The following MED12L variants were observed in gnomAD, a reference collection of about 807,000 sequenced individuals.
The protein encoded by MED12L is mediator of RNA polymerase II transcription subunit 12-like protein.
A neutral mutation model predicts 281.3 loss-of-function variants in MED12L; 60 were observed. The ratio of observed to expected loss-of-function variants is 0.21; its 90% CI spans 0.17 to 0.26. The LOEUF (loss-of-function observed/expected upper bound fraction) is 0.26. MED12L is among the 10% of genes least tolerant of loss of function. MED12L has a pLI of 1.00. For missense variants in MED12L, 2,146 were observed against 2,680.9 expected (o/e 0.80, Z 4.41); for synonymous variants, 974 against 987.2 (o/e 0.99, Z 0.25).
rs574314588 is a variant in MED12L, at chr3:151,086,825, G to C, written c.-102G>C. The C allele has an allele frequency of 6.1e-4, 532 of 868,336 alleles. No individual in the cohort carries two copies. Among genetic ancestry groups the C allele is most frequent in the Middle Eastern group, 6.9e-4 (3 of 4,318 alleles). The allele number at this position is 868,336 out of a possible 1,614,324, so 53.8% of individuals were successfully genotyped here. A position where few individuals can be genotyped will look rare whatever the true frequency, so the allele number is the denominator to read the frequency against. On this transcript the variant is annotated 5_prime_UTR_variant, in exon 2 of 45. Coordinates refer to ENST00000687756, the MANE Select transcript of MED12L (RefSeq NM_001393769.1). ...CCACAGCGAGCGAGCGAGCGAGGAG[G>C]GGGAGAGAGGGAGTCTGTCTGCAAA...
At chr3:151,104,301 A>T (rs750350879) in intron 2 of MED12L, among the ~76,000 whole-genome samples, 4 of 152,110 alleles carry the variant, frequency 2.6e-5, no homozygotes, top group African/African-American at 9.7e-5. Context: ...TCAGGCCCCT[A>T]CCTCTGGCCC....
chr3:151,152,594 T>C (rs1446005577), intron 5 of MED12L, among the ~76,000 whole-genome samples: 1 of 152,202 alleles, frequency 6.6e-6, no homozygotes, highest in East Asian at 1.9e-4. Context: ...TTCATCCTGA[T>C]GGTGATAATA....
intron 5 of MED12L, among the ~76,000 whole-genome samples, chr3:151,132,665 A>T (rs1274498549): frequency 6.6e-6 from 1 of 152,220 alleles, no homozygotes; most frequent in African/African-American, 2.4e-5. Flanking sequence ...GTGTAAATAT[A>T]CAGTTCCTTT....
chr3:151,293,173 CTACCT>C (rs768891809), intron 16 of MED12L, among the ~76,000 whole-genome samples: 2 of 152,176 alleles, frequency 1.3e-5, no homozygotes, highest in Non-Finnish European at 2.9e-5. Context: ...TTCTTTTCCT[CTACCT>C]AACAATGATA....
chr3:151,377,849 G>A (rs1320355239), intron 30 of MED12L, among the ~76,000 whole-genome samples, 163 bp from the exon 31 acceptor site: 1 of 152,172 alleles, frequency 6.6e-6, no homozygotes, highest in African/African-American at 2.4e-5. Context: ...TCATGCAAAT[G>A]TCTAGTGTTC....
At chr3:151,328,939 G>T (rs1750022693) in intron 16 of MED12L, 1 of 1,613,760 alleles carries the variant, frequency 6.2e-7, no homozygotes. Context: ...CTATCCGAGT[G>T]TCTCTGGGGC....
At chr3:151,388,686 A>G (rs1275915881) in intron 37 of MED12L, among the ~76,000 whole-genome samples, 1 of 152,076 alleles carries the variant, frequency 6.6e-6, no homozygotes, top group Non-Finnish European at 1.5e-5. Flanking sequence ...CTTCTTTACC[A>G]TGTTTTCAGA....
chr3:151,363,479 T>C (rs763495901), intron 21 of MED12L, among the ~76,000 whole-genome samples: 1 of 152,180 alleles, frequency 6.6e-6, no homozygotes, highest in Non-Finnish European at 1.5e-5. Flanking sequence ...TACCACTGAT[T>C]GAGCTACTGC....
chr3:151,419,087 C>G (rs1441072726), intron 43 of MED12L, among the ~76,000 whole-genome samples: 2 of 152,124 alleles, frequency 1.3e-5, no homozygotes, highest in African/African-American at 4.8e-5. Context: ...TATTGTAAAC[C>G]ACTGTTGCCC....
At chr3:151,283,882 T>C (rs1391687283) in intron 16 of MED12L, among the ~76,000 whole-genome samples, 1 of 152,212 alleles carries the variant, frequency 6.6e-6, no homozygotes, top group Non-Finnish European at 1.5e-5. Context: ...GAATCCCTTT[T>C]GTAGATGTCT....
intron 11 of MED12L, among the ~76,000 whole-genome samples, chr3:151,174,136 T>G (rs1721767186): frequency 6.6e-6 from 1 of 152,210 alleles, no homozygotes; most frequent in African/African-American, 2.4e-5. Flanking sequence ...CCAGTGAGCA[T>G]TTCCTTTGCG....
At chr3:151,277,861 A>G (rs191103079) in intron 16 of MED12L, among the ~76,000 whole-genome samples, 7 of 152,386 alleles carry the variant, frequency 4.6e-5, no homozygotes, top group Admixed American at 4.6e-4. Context: ...ATGCAACTAT[A>G]TATCTGTACA....
chr3:151,231,988 A>G (rs959059143), intron 16 of MED12L, among the ~76,000 whole-genome samples: 9 of 152,156 alleles, frequency 5.9e-5, no homozygotes, highest in Non-Finnish European at 1.0e-4. Flanking sequence ...CTATATGCAC[A>G]TATACATGTA....
At chr3:151,292,348 A>G (rs1744368692) in intron 16 of MED12L, among the ~76,000 whole-genome samples, 2 of 147,338 alleles carry the variant, frequency 1.4e-5, no homozygotes, top group African/African-American at 5.1e-5. Flanking sequence ...GTGCAGTGGC[A>G]TGATCTTGGC....
chr3:151,294,146 G>A (rs1389522960), intron 16 of MED12L: 19 of 1,340,908 alleles, frequency 1.4e-5, no homozygotes, highest in Admixed American at 1.9e-5. Context: ...TGTACATATC[G>A]ATTCCAACAA....
intron 16 of MED12L, among the ~76,000 whole-genome samples, chr3:151,315,977 G>T (rs1748178774): frequency 6.6e-6 from 1 of 152,162 alleles, no homozygotes; most frequent in Non-Finnish European, 1.5e-5. Flanking sequence ...TTTCCTCATT[G>T]CAGTGAAAAC....
intron 16 of MED12L, among the ~76,000 whole-genome samples, chr3:151,274,825 G>GC (rs1396429903): frequency 6.6e-6 from 1 of 152,164 alleles, no homozygotes; most frequent in African/African-American, 2.4e-5. Flanking sequence ...GCCACCAGAG[G>GC]CCCAGAACCT....
chr3:151,142,020 T>C (rs1041423771), intron 5 of MED12L, among the ~76,000 whole-genome samples: 1 of 152,256 alleles, frequency 6.6e-6, no homozygotes, highest in Non-Finnish European at 1.5e-5. Flanking sequence ...TATTGGTATA[T>C]ACGTGCATAC....
rs747888641 is a variant in MED12L, at chr3:151,387,871, A to T, written c.5150A>T (p.Asn1717Ile). 6.2e-7 allele frequency: 1 copy of T among 1,613,770 alleles called. No individual in the cohort carries two copies. ...SPWDLFEGQK[N>I]PAPLSWAWFG... ...TGGGACTTGTTTGAGGGTCAGAAGAACCCAGCTCCTTTGTCCTGGGCCTGG... is the reference window on the plus strand; with the variant it reads ...TGGGACTTGTTTGAGGGTCAGAAGATCCCAGCTCCTTTGTCCTGGGCCTGG... Residue 1717 changes from asparagine (N) to isoleucine (I), a missense_variant, in exon 37 of 45, where the codon AAC becomes ATC. By Grantham distance (149) the Asn-to-Ile change is moderately radical (BLOSUM62 -3). Coordinates refer to ENST00000687756, the MANE Select transcript of MED12L (RefSeq NM_001393769.1).
Sources: gnomAD v4.1 joint callset for allele counts (sites outside exome capture counted in the v4.1 genomes callset) on GRCh38, gnomAD v4.1.1 for gene constraint, MANE v1.5 for transcripts, NCBI Gene and HGNC (gene_info 2026-07-23, HGNC 2026-07-21) for gene names.